ZNF429: variants seen among roughly 807,000 people sequenced by gnomAD.
The protein encoded by ZNF429 is zinc finger protein 429.
Under a neutral mutation model 56.8 loss-of-function variants are expected in ZNF429, and 53 were observed. That is an observed-to-expected ratio of 0.93 (90% confidence interval 0.75 to 1.17). The LOEUF (loss-of-function observed/expected upper bound fraction) is 1.17, where lower values mean the gene tolerates loss of function less well. ZNF429 is among the 50% of genes most tolerant of loss of function. ZNF429 has a pLI of 0.00. For synonymous variants in ZNF429, 278 were observed against 264.7 expected, an observed-to-expected ratio of 1.05 and a Z score of -0.49; for missense variants, 849 against 788.4, an observed-to-expected ratio of 1.08 and a Z score of -0.92.
intron 3 of ZNF429, among the ~76,000 whole-genome samples, chr19:21,535,424 CTTTCTTTCTTTCTT>C: frequency 4.4e-4 from 2 of 4,552 alleles, no homozygotes; most frequent in African/African-American, 2.1e-3. Context: ...TTCTTTCTTT[CTTTCTTTCTTTCTT>C]TCTTTCTTTC....
intron 1 of ZNF429, among the ~76,000 whole-genome samples, chr19:21,508,183 C>T (rs960302684): frequency 9.3e-5 from 14 of 150,176 alleles, no homozygotes; most frequent in African/African-American, 7.4e-5. Context: ...GCGGAGGTTG[C>T]GGTGAGCCGA....
chr19:21,537,794 A>G lies in ZNF429; in HGVS notation c.1741A>G (p.Ser581Gly). 6.2e-7 allele frequency: 1 copy of G among 1,613,740 alleles called. No homozygotes were observed. The highest frequency in any genetic ancestry group is 8.5e-7 in the Non-Finnish European group (1 of 1,180,000). The change falls in exon 4 of 4, where the codon AGT (serine) becomes GGT (glycine). Residue 581 changes from serine to glycine, a missense_variant. Coordinates refer to ENST00000358491, the MANE Select transcript of ZNF429 (RefSeq NM_001001415.4). The stretch of plus-strand genomic sequence containing the variant: ...AGCTTTTACCCACTCCTCAAACCTT[A>G]GTAGTCATAAGAAAATTCATAGTGG... Reference protein sequence around the residue: ...DKAFTHSSNLSSHKKIHSGEK... With the variant: ...DKAFTHSSNLGSHKKIHSGEK...
At chr19:21,522,226 G>A (rs1372877591) in intron 1 of ZNF429, among the ~76,000 whole-genome samples, 2 of 152,226 alleles carry the variant, frequency 1.3e-5, no homozygotes, top group Non-Finnish European at 2.9e-5. Context: ...GATAGGAAAA[G>A]TTTATTTTGT....
At chr19:21,531,460 C>T in intron 3 of ZNF429, among the ~76,000 whole-genome samples, 55 of 152,162 alleles carry the variant, frequency 3.6e-4, no homozygotes, top group African/African-American at 1.1e-3. Flanking sequence ...TTGTTAATGC[C>T]TCTATTTTAA....
intron 1 of ZNF429, among the ~76,000 whole-genome samples, chr19:21,515,303 C>T (rs1019220071): frequency 6.8e-6 from 1 of 147,438 alleles, no homozygotes; most frequent in Non-Finnish European, 1.5e-5. Flanking sequence ...GATGGTATCT[C>T]ATTGTGATTT....
At position 21,539,422 on chromosome 19, in the gene ZNF429, CTTT is replaced by C. The variant is rs1329032686; in HGVS notation, c.*1347_*1349del. On this transcript the variant is annotated 3_prime_UTR_variant, in exon 4 of 4. Transcript: ENST00000358491. ...TTTGCAAAGTTATATTCAAAGTGTA[CTTT>C]TTATTTATTTTTTTGAGATGGAGTC... 1.3e-5 allele frequency among the ~76,000 whole-genome samples: 2 copies of C among 151,790 alleles called. No homozygotes were observed. The highest frequency in any genetic ancestry group is 4.8e-5 in the African/African-American group (2 of 41,342).
intron 1 of ZNF429, among the ~76,000 whole-genome samples, chr19:21,526,589 CT>C: frequency 6.6e-6 from 1 of 152,290 alleles, no homozygotes; most frequent in Non-Finnish European, 1.5e-5. Context: ...CGTCTTTCCT[CT>C]TTGAACTATG....
intron 1 of ZNF429, among the ~76,000 whole-genome samples, chr19:21,523,356 T>G (rs1022658515): frequency 6.6e-6 from 1 of 152,234 alleles, no homozygotes; most frequent in African/African-American, 2.4e-5. Flanking sequence ...TACCATTTAA[T>G]GTAATGGCAA....
intron 3 of ZNF429, 39 bp downstream of exon 3, chr19:21,530,723 G>A: frequency 2.2e-5 from 32 of 1,459,884 alleles, no homozygotes; most frequent in South Asian, 1.2e-5. Context: ...ACAGATGAGA[G>A]GTCCCAAGGC....
At position 21,536,149 on chromosome 19, in the gene ZNF429, G is replaced by T; in HGVS notation, c.227-131G>T. ...TTTGTTATATTTATATGTTTATGAA[G>T]AAATTAGAATCTGGTATTTTGCTAT... is the stretch of plus-strand genomic sequence containing the variant. On this transcript the variant is annotated intron_variant, in intron 3 of 3. Coordinates refer to ENST00000358491, the MANE Select transcript of ZNF429 (RefSeq NM_001001415.4). 23 of 929,480 alleles carry T rather than the reference G, an allele frequency of 2.5e-5. No individual in the cohort carries two copies. The African/African-American group carries it at 3.8e-4, about 16-fold the overall frequency. The allele number at this position is 929,480 out of a possible 1,614,324, so 57.6% of individuals were successfully genotyped here.
At chr19:21,508,445 CAT>C (rs1042025572) in intron 1 of ZNF429, among the ~76,000 whole-genome samples, 8 of 152,122 alleles carry the variant, frequency 5.3e-5, no homozygotes, top group South Asian at 2.1e-4. Flanking sequence ...GAACTTGACA[CAT>C]GAGTCGGACA....
chr19:21,519,111 G>A (rs912296525), intron 1 of ZNF429: 1 of 152,042 alleles, frequency 6.6e-6, no homozygotes, highest in African/African-American at 2.4e-5. Flanking sequence ...GCCTCAAGGT[G>A]GGAAATTAAA....
intron 1 of ZNF429, among the ~76,000 whole-genome samples, chr19:21,516,015 G>A (rs2032720641): frequency 6.6e-6 from 1 of 151,898 alleles, no homozygotes; most frequent in Non-Finnish European, 1.5e-5. Context: ...GTGGGGTAAA[G>A]TGATACAGTG....
Position 21,535,429 on chromosome 19 carries a change from T to TC in ZNF429, c.227-851_227-850insC. On this transcript the variant is annotated intron_variant, in intron 3 of 3. Transcript: ENST00000358491. Reference sequence around the variant, plus strand: ...TCTTTTTCTTTTCTTTCTTTCTTTCTTTCTTTCTTTCTTTCTTTCTTTCTT... The same window carrying TC: ...TCTTTTTCTTTTCTTTCTTTCTTTCTCTTCTTTCTTTCTTTCTTTCTTTCTT... Among the ~76,000 whole-genome samples, 4 of 10,088 alleles carry TC rather than the reference T, an allele frequency of 4.0e-4. 1 individual carries two copies. The highest frequency in any genetic ancestry group is 2.1e-3 in the African/African-American group (4 of 1,936). 6.6% of individuals were successfully genotyped at this position (10,088 alleles called of 152,430 possible).
In ZNF429 at chr19:21,537,168, A is replaced by G. The variant is rs368486932; in HGVS notation, c.1115A>G (p.Glu372Gly). 6.8e-6 allele frequency: 11 copies of G among 1,613,908 alleles called. No homozygotes were observed. The highest frequency in any genetic ancestry group is 9.3e-6 in the Non-Finnish European group (11 of 1,180,004). The change falls in exon 4 of 4, where the codon GAA becomes GGA. Residue 372 changes from glutamate to glycine, a missense_variant. Transcript: ENST00000358491. The stretch of plus-strand genomic sequence containing the variant: ...ACTGGAGAGAAGCCCTACAAATGTG[A>G]AGAATGTGGCAAAGCTTTTAACCAG... ...IHTGEKPYKC[E>G]ECGKAFNQSS... is the part of the protein sequence containing the mutation.
chr19:21,515,488 C>A (rs533238695), intron 1 of ZNF429, among the ~76,000 whole-genome samples: 1 of 151,914 alleles, frequency 6.6e-6, no homozygotes, highest in East Asian at 1.9e-4. Flanking sequence ...GGATATTAGA[C>A]CTTTGTCAGA....
intron 1 of ZNF429, among the ~76,000 whole-genome samples, chr19:21,520,856 T>G (rs2032963193): frequency 6.6e-6 from 1 of 152,222 alleles, no homozygotes; most frequent in South Asian, 2.1e-4. Flanking sequence ...ATAGTTATTA[T>G]GTGTAGTGTT....
chr19:21,511,537 C>T (rs2032472797), intron 1 of ZNF429, among the ~76,000 whole-genome samples: 1 of 151,864 alleles, frequency 6.6e-6, no homozygotes, highest in African/African-American at 2.4e-5. Flanking sequence ...GGAAGAGGCG[C>T]TCCTCACTTC....
intron 1 of ZNF429, among the ~76,000 whole-genome samples, chr19:21,512,495 A>C (rs987022078): frequency 1.4e-4 from 22 of 151,794 alleles, no homozygotes; most frequent in African/African-American, 5.1e-4. Context: ...CCCCATCTCT[A>C]CTAAAAAAAA....
Sources: gnomAD v4.1 joint callset for allele counts (sites outside exome capture counted in the v4.1 genomes callset) on GRCh38, gnomAD v4.1.1 for gene constraint, MANE v1.5 for transcripts, NCBI Gene and HGNC (gene_info 2026-07-23, HGNC 2026-07-21) for gene names.